Variants in SEC23B observed in about 807,000 individuals in gnomAD.
The protein encoded by SEC23B is protein transport protein Sec23B.
A neutral mutation model predicts 104.3 loss-of-function variants in SEC23B; 77 were observed. The ratio of observed to expected loss-of-function variants is 0.74; its 90% CI spans 0.61 to 0.89. SEC23B has a LOEUF of 0.89. Among genes scored for constraint, SEC23B ranks in the 40% least tolerant of loss-of-function variants. The probability of loss-of-function intolerance (pLI) is 0.00; values close to 1 mark genes in which losing one functional copy is unlikely to be tolerated. For missense variants in SEC23B, 885 were observed against 949.4 expected, an observed-to-expected ratio of 0.93 and a Z score of 0.89; for synonymous variants, 338 against 332.5, an observed-to-expected ratio of 1.02 and a Z score of -0.18.
intron 4 of SEC23B, among the ~76,000 whole-genome samples, chr20:18,518,927 G>A (rs1195186905): frequency 6.6e-6 from 1 of 152,154 alleles, no homozygotes; most frequent in Non-Finnish European, 1.5e-5. Context: ...GCATGGTGGT[G>A]CAGGATATGG....
At chr20:18,558,035 G>A (rs990353747) in intron 19 of SEC23B, among the ~76,000 whole-genome samples, 6 of 152,172 alleles carry the variant, frequency 3.9e-5, no homozygotes, top group African/African-American at 7.2e-5. Flanking sequence ...ACAGGCATGA[G>A]CCACCGCGCC....
At position 18,524,634 on chromosome 20, in the gene SEC23B, C is replaced by G. The variant is rs541860697; in HGVS notation, c.568C>G (p.Arg190Gly). The change falls in exon 5 of 20, where the codon CGA becomes GGA. Residue 190 changes from arginine (R) to glycine (G), a missense_variant. Transcript: ENST00000650089. ...CEGISKSYVF[R>G]GTKDLTAKQI... is the part of the protein sequence containing the mutation. Reference sequence around the variant, plus strand: ...AGGAATCTCCAAAAGTTATGTCTTCCGAGGGACCAAGGATTTAACTGCAAA... The same window carrying G: ...AGGAATCTCCAAAAGTTATGTCTTCGGAGGGACCAAGGATTTAACTGCAAA... The G allele has an allele frequency of 2.5e-6, 4 of 1,613,958 alleles. No homozygotes were observed. The highest frequency in any genetic ancestry group is 1.6e-4 in the Middle Eastern group (1 of 6,084).
intron 3 of SEC23B, among the ~76,000 whole-genome samples, chr20:18,513,408 T>C (rs1213220634): frequency 6.6e-6 from 1 of 152,192 alleles, no homozygotes; most frequent in Non-Finnish European, 1.5e-5. Flanking sequence ...TGGTAATTAT[T>C]GCACAACTGT....
chr20:18,532,972 T>C (rs1205916196), intron 11 of SEC23B, among the ~76,000 whole-genome samples: 1 of 152,210 alleles, frequency 6.6e-6, no homozygotes. Context: ...AGTATCTTGC[T>C]CAGGGTCAGA....
At chr20:18,547,667 G>A (rs1446319218) in intron 15 of SEC23B, among the ~76,000 whole-genome samples, 3 of 152,174 alleles carry the variant, frequency 2.0e-5, no homozygotes, top group South Asian at 4.2e-4. Context: ...GGCCTCCTCA[G>A]CCACGTCTCT....
chr20:18,511,867 C>A (rs2295554), intron 2 of SEC23B, among the ~76,000 whole-genome samples: 1 of 151,560 alleles, frequency 6.6e-6, no homozygotes, highest in Admixed American at 6.6e-5. Context: ...TTTCACATAG[C>A]CGGACAATAA....
intron 14 of SEC23B, among the ~76,000 whole-genome samples, chr20:18,544,850 T>C (rs2060318767): frequency 6.6e-6 from 1 of 152,028 alleles, no homozygotes; most frequent in African/African-American, 2.4e-5. Flanking sequence ...ACTGAAAGAA[T>C]TGATAAAACT....
chr20:18,546,725 C>T (rs1600270204), intron 15 of SEC23B, among the ~76,000 whole-genome samples: 1 of 152,050 alleles, frequency 6.6e-6, no homozygotes, highest in Admixed American at 6.6e-5. Flanking sequence ...CTGAGGTGTC[C>T]ATGTGCCAGA....
At chr20:18,532,270 TA>T (rs1231451360) in intron 10 of SEC23B, among the ~76,000 whole-genome samples, 1 of 152,230 alleles carries the variant, frequency 6.6e-6, no homozygotes, top group Non-Finnish European at 1.5e-5. Flanking sequence ...TAAGTATTTT[TA>T]AAGCAACACA....
At chr20:18,532,783 G>C (rs773406627) in intron 11 of SEC23B, 39 bp downstream of exon 11, 5 of 1,445,178 alleles carry the variant, frequency 3.5e-6, no homozygotes, top group Non-Finnish European at 3.9e-6. Flanking sequence ...CTCCTGCCCC[G>C]GATTTAACCC....
chr20:18,510,555 A>G (rs2059972412), intron 1 of SEC23B, among the ~76,000 whole-genome samples: 2 of 152,166 alleles, frequency 1.3e-5, no homozygotes, highest in African/African-American at 2.4e-5. Context: ...ACCTGAGGTC[A>G]GGAGTTTGAG....
intron 4 of SEC23B, among the ~76,000 whole-genome samples, chr20:18,523,775 G>A (rs1350424776): frequency 6.6e-6 from 1 of 151,524 alleles, no homozygotes; most frequent in African/African-American, 2.4e-5. Context: ...TACAACCATA[G>A]CTTACTGCAG....
intron 12 of SEC23B, among the ~76,000 whole-genome samples, chr20:18,536,074 A>G (rs1423891405): frequency 6.6e-6 from 1 of 152,200 alleles, no homozygotes; most frequent in African/African-American, 2.4e-5. Context: ...ACATACAGAA[A>G]AATTGAAAGA....
At position 18,553,445 on chromosome 20, in the gene SEC23B, GTCT is replaced by G. The variant is rs147357022; in HGVS notation, c.1993-785_1993-783del. Among the ~76,000 whole-genome samples the G allele has an allele frequency of 5.2e-3, 793 of 152,248 alleles. 5 individuals are homozygous for G. The highest frequency in any genetic ancestry group is 0.017 in the African/African-American group (719 of 41,528). On this transcript the variant is annotated intron_variant, in intron 17 of 19. Coordinates refer to ENST00000650089, the MANE Select transcript of SEC23B (RefSeq NM_006363.6). ...TCTTTCTCCATTTTTCCTCTCCATT[GTCT>G]TCTTGTTCTCCTAAATAACATGCGA...
chr20:18,552,391 C>G (rs2060395283), intron 17 of SEC23B, among the ~76,000 whole-genome samples: 1 of 152,252 alleles, frequency 6.6e-6, no homozygotes, highest in Admixed American at 6.5e-5. Flanking sequence ...TGACCAGCTG[C>G]TCTTCCCACT....
intron 12 of SEC23B, among the ~76,000 whole-genome samples, chr20:18,539,645 C>T (rs1253121990): frequency 7.6e-6 from 1 of 131,446 alleles, no homozygotes; most frequent in African/African-American, 2.8e-5. Flanking sequence ...CCAGGATCCA[C>T]TTTTTTTTTT....
In SEC23B at chr20:18,554,364, A is replaced by G. The variant is rs200718362; in HGVS notation, c.2122A>G (p.Ile708Val). 1.6e-4 allele frequency: 259 copies of G among 1,614,190 alleles called. 1 individual carries two copies. The East Asian group carries it at 5.6e-3, about 35-fold the overall frequency. Reference sequence around the variant, plus strand: ...AGCACGCTTCCCGATGCCACGTTACATCAACACGGAGCATGGAGGCAGTCA... The same window carrying G: ...AGCACGCTTCCCGATGCCACGTTACGTCAACACGGAGCATGGAGGCAGTCA... ...LQARFPMPRY[I>V]NTEHGGSQAR... Residue 708 changes from isoleucine to valine, a missense_variant, in exon 18 of 20, where the codon ATC (isoleucine) becomes GTC (valine). Ile to Val is a conservative substitution (Grantham distance 29). Coordinates refer to ENST00000650089, the MANE Select transcript of SEC23B (RefSeq NM_006363.6).
At chr20:18,530,337 T>C (rs566228144) in intron 9 of SEC23B, among the ~76,000 whole-genome samples, 10 of 152,108 alleles carry the variant, frequency 6.6e-5, no homozygotes, top group Non-Finnish European at 1.3e-4. Context: ...CTGCAACCTC[T>C]GCCTCCTGGG....
intron 1 of SEC23B, 99 bp from the exon 2 acceptor site, chr20:18,510,722 GA>G: frequency 1.1e-6 from 1 of 949,110 alleles, no homozygotes; most frequent in Non-Finnish European, 1.7e-6. Flanking sequence ...GCTGAGATGG[GA>G]AAAAAAGAGA....
Sources: gnomAD v4.1 joint callset for allele counts (sites outside exome capture counted in the v4.1 genomes callset) on GRCh38, gnomAD v4.1.1 for gene constraint, MANE v1.5 for transcripts, NCBI Gene and HGNC (gene_info 2026-07-23, HGNC 2026-07-21) for gene names.